The following PJA2 variants were observed in gnomAD, a reference collection of about 807,000 sequenced individuals.
PJA2 encodes the protein praja ring finger ubiquitin ligase 2, also known as E3 ubiquitin-protein ligase Praja-2.
Under a neutral mutation model 69.3 loss-of-function variants are expected in PJA2, and 25 were observed. The observed-to-expected ratio is 0.36, with a 90% CI of 0.26 to 0.50. PJA2 has a LOEUF of 0.50. Ranked by LOEUF, PJA2 falls within the 20% of genes least tolerant of loss-of-function variation. The probability of loss-of-function intolerance (pLI) is 0.96; values close to 1 mark genes in which losing one functional copy is unlikely to be tolerated. For missense variants in PJA2, 809 were observed against 830.2 expected (o/e 0.97, Z 0.31); for synonymous variants, 308 against 277.8 (o/e 1.11, Z -1.08).
chr5:109,366,652 A>G (rs1034082709), intron 5 of PJA2, among the ~76,000 whole-genome samples: 2 of 149,358 alleles, frequency 1.3e-5, no homozygotes, highest in African/African-American at 4.8e-5. Flanking sequence ...TCCTACTACA[A>G]TGTAAGCTTC....
intron 1 of PJA2, among the ~76,000 whole-genome samples, chr5:109,394,580 T>A (rs1400131894): frequency 6.6e-6 from 1 of 152,362 alleles, no homozygotes; most frequent in South Asian, 2.1e-4. Context: ...CCTTTTGTAA[T>A]TGGCAGAAAA....
At chr5:109,391,510 C>G (rs1747281455) in intron 1 of PJA2, among the ~76,000 whole-genome samples, 1 of 150,952 alleles carries the variant, frequency 6.6e-6, no homozygotes, top group Non-Finnish European at 1.5e-5. Flanking sequence ...TTTTGGAGCA[C>G]TATAAAGATG....
chr5:109,375,199 T>C (rs1439334582), intron 4 of PJA2, among the ~76,000 whole-genome samples: 2 of 152,160 alleles, frequency 1.3e-5, no homozygotes, highest in South Asian at 2.1e-4. Flanking sequence ...TTTTAAAAAG[T>C]AGCCAAAATT....
chr5:109,380,804 C>CAAAAAAAAA (rs34675958), intron 3 of PJA2, among the ~76,000 whole-genome samples: 4 of 88,726 alleles, frequency 4.5e-5, no homozygotes, highest in Non-Finnish European at 4.1e-5. Flanking sequence ...GATTCCATCT[C>CAAAAAAAAA]AAAAAAAAAA....
intron 3 of PJA2, among the ~76,000 whole-genome samples, chr5:109,380,744 G>A (rs1002512071): frequency 6.8e-6 from 1 of 146,226 alleles, no homozygotes; most frequent in African/African-American, 2.5e-5. Flanking sequence ...GGTGGAGGCT[G>A]CAGGGAGCCC....
intron 7 of PJA2, among the ~76,000 whole-genome samples, chr5:109,353,106 C>T (rs1306057089): frequency 2.8e-5 from 4 of 143,038 alleles, no homozygotes; most frequent in African/African-American, 1.0e-4. Context: ...ATATTAGATA[C>T]CTATATCTAT....
intron 2 of PJA2, among the ~76,000 whole-genome samples, chr5:109,383,043 T>C (rs1207162567): frequency 6.6e-6 from 1 of 152,156 alleles, no homozygotes; most frequent in African/African-American, 2.4e-5. Context: ...GAGGTGGATA[T>C]TGTATTCTAT....
At chr5:109,349,112 G>A (rs1362251185) in intron 7 of PJA2, among the ~76,000 whole-genome samples, 1 of 152,164 alleles carries the variant, frequency 6.6e-6, no homozygotes, top group East Asian at 1.9e-4. Flanking sequence ...AGTAATAGCT[G>A]TATTTTGTTG....
At chr5:109,400,689 GAATGAT>G in intron 1 of PJA2, among the ~76,000 whole-genome samples, 1 of 151,968 alleles carries the variant, frequency 6.6e-6, no homozygotes, top group Non-Finnish European at 1.5e-5. Context: ...TATAAAAAAC[GAATGAT>G]ATGGCCGGGC....
intron 1 of PJA2, among the ~76,000 whole-genome samples, chr5:109,396,575 C>T (rs556290298): frequency 4.0e-5 from 6 of 151,010 alleles, no homozygotes; most frequent in African/African-American, 1.2e-4. Flanking sequence ...TACAGGCATG[C>T]GCCACCACGT....
chr5:109,374,237 C>T (rs1020180478), intron 4 of PJA2, among the ~76,000 whole-genome samples: 4 of 152,120 alleles, frequency 2.6e-5, no homozygotes, highest in African/African-American at 9.7e-5. Context: ...CCATGAACTC[C>T]CTAGCATATC....
At chr5:109,388,265 G>C (rs1172102256) in intron 1 of PJA2, among the ~76,000 whole-genome samples, 2 of 152,084 alleles carry the variant, frequency 1.3e-5, no homozygotes, top group Admixed American at 1.3e-4. Context: ...CAAAAACTAA[G>C]GTCTTCCGGC....
chr5:109,404,923 C>T (rs183500028), intron 1 of PJA2, among the ~76,000 whole-genome samples: 1 of 152,312 alleles, frequency 6.6e-6, no homozygotes, highest in East Asian at 1.9e-4. Flanking sequence ...TGCTATTCAA[C>T]ATCATAATGG....
chr5:109,393,992 G>A (rs1582626053), intron 1 of PJA2, among the ~76,000 whole-genome samples: 1 of 141,920 alleles, frequency 7.0e-6, no homozygotes, highest in Non-Finnish European at 1.5e-5. Context: ...AAGACAAAAA[G>A]AATAAGGTAT....
intron 1 of PJA2, among the ~76,000 whole-genome samples, chr5:109,406,954 C>A (rs1188739579): frequency 6.6e-6 from 1 of 152,162 alleles, no homozygotes; most frequent in African/African-American, 2.4e-5. Flanking sequence ...TTACATCATT[C>A]CACTTACATG....
chr5:109,368,882 A>T, intron 4 of PJA2, 136 bp from the exon 5 acceptor site: 1 of 869,064 alleles, frequency 1.2e-6, no homozygotes, highest in Non-Finnish European at 1.7e-6. Context: ...AATGTTGGAG[A>T]TGGGGCCTGG....
At chr5:109,400,224 G>C (rs1389148757) in intron 1 of PJA2, among the ~76,000 whole-genome samples, 2 of 151,678 alleles carry the variant, frequency 1.3e-5, no homozygotes, top group Non-Finnish European at 2.9e-5. Context: ...TCGGGAGGCA[G>C]AGGTTGCAGT....
At chr5:109,345,199 AAAC>A (rs1246092293) in intron 7 of PJA2, among the ~76,000 whole-genome samples, 2 of 150,804 alleles carry the variant, frequency 1.3e-5, no homozygotes, top group Non-Finnish European at 3.0e-5. Context: ...AAAAAAAAAA[AAAC>A]AAAATTAGCA....
intron 7 of PJA2, among the ~76,000 whole-genome samples, chr5:109,352,787 T>C (rs973856308): frequency 3.3e-5 from 5 of 151,460 alleles, no homozygotes; most frequent in Admixed American, 2.6e-4. Flanking sequence ...TCTATAGATA[T>C]CTATATTAGA....
Sources: allele counts gnomAD v4.1 joint callset (sites outside exome capture counted in the v4.1 genomes callset), GRCh38; gene constraint gnomAD v4.1.1; transcripts MANE v1.5; gene names NCBI Gene and HGNC (gene_info 2026-07-23, HGNC 2026-07-21).